The following ELMO1 variants were observed in gnomAD, a reference collection of about 807,000 sequenced individuals.
ELMO1 encodes engulfment and cell motility 1.
ELMO1 carries 26 observed loss-of-function variants against 98.9 expected under a neutral mutation model. The ratio of observed to expected loss-of-function variants is 0.26; its 90% confidence interval spans 0.19 to 0.36. The LOEUF (loss-of-function observed/expected upper bound fraction) is 0.36, where lower values mean the gene tolerates loss of function less well. ELMO1 is among the 10% of genes least tolerant of loss of function. The pLI is 1.00. For synonymous variants in ELMO1, 346 were observed against 346.0 expected, an observed-to-expected ratio of 1.00 and a Z score of 0.00; for missense variants, 627 against 935.2, an observed-to-expected ratio of 0.67 and a Z score of 4.30.
intron 13 of ELMO1, among the ~76,000 whole-genome samples, chr7:37,138,298 T>TA (rs140761834): frequency 0.86 from 125,465 of 146,618 alleles, 54,105 homozygotes; most frequent in Non-Finnish European, 0.92. Context: ...TTTGAAAAGA[T>TA]AAAAAAAAAA....
chr7:37,039,657 G>A (rs1212114372), intron 15 of ELMO1, among the ~76,000 whole-genome samples: 4 of 152,194 alleles, frequency 2.6e-5, no homozygotes, highest in Non-Finnish European at 1.5e-5. Context: ...CTTCTCCTCA[G>A]GGGAAAATTT....
chr7:37,295,930 G>A (rs1440138908), intron 4 of ELMO1, among the ~76,000 whole-genome samples: 1 of 152,142 alleles, frequency 6.6e-6, no homozygotes, highest in African/African-American at 2.4e-5. Flanking sequence ...TTTGTGTGTT[G>A]TTGCCTTACT....
rs147438569 is a variant in ELMO1, at chr7:37,014,437, AT to A, written c.1301-1003del. 3.2e-3 allele frequency among the ~76,000 whole-genome samples: 490 copies of A among 152,242 alleles called. 2 individuals are homozygous for A. The highest frequency in any genetic ancestry group is 0.011 in the African/African-American group (457 of 41,532). On this transcript the variant is annotated intron_variant, in intron 15 of 21. Transcript: ENST00000310758. Reference sequence around the variant, plus strand: ...TTTGGAATCTCTTTTTTTAAAAAAAATATCACTTTAATTTCTGGGATACAAG... The same window carrying A: ...TTTGGAATCTCTTTTTTTAAAAAAAAATCACTTTAATTTCTGGGATACAAG...
At chr7:37,050,246 A>G (rs1044965642) in intron 15 of ELMO1, among the ~76,000 whole-genome samples, 1 of 151,870 alleles carries the variant, frequency 6.6e-6, no homozygotes, top group Non-Finnish European at 1.5e-5. Flanking sequence ...CTAATTTTTC[A>G]TATTTCTAGT....
chr7:37,324,120 C>T (rs1799667550), intron 2 of ELMO1, among the ~76,000 whole-genome samples: 1 of 152,144 alleles, frequency 6.6e-6, no homozygotes, highest in Non-Finnish European at 1.5e-5. Context: ...CTCCCTGCCC[C>T]GCCTCTGATG....
intron 1 of ELMO1, among the ~76,000 whole-genome samples, chr7:37,379,262 G>A (rs112225869): frequency 0.016 from 2,451 of 152,138 alleles, 54 homozygotes; most frequent in African/African-American, 0.054. Context: ...GGATGGTCTC[G>A]ATCTCCTGAC....
intron 15 of ELMO1, among the ~76,000 whole-genome samples, chr7:37,047,365 G>A (rs145556072): frequency 1.6e-3 from 237 of 152,308 alleles, no homozygotes; most frequent in African/African-American, 5.1e-3. Flanking sequence ...AGACAGCTGG[G>A]CTGACCACAA....
intron 15 of ELMO1, among the ~76,000 whole-genome samples, chr7:37,043,515 C>T (rs975597432): frequency 2.6e-5 from 4 of 152,096 alleles, no homozygotes; most frequent in Admixed American, 6.5e-5. Flanking sequence ...ACTGTGGAGT[C>T]GGCCGTATGA....
chr7:36,973,746 G>A (rs1790193260), intron 16 of ELMO1, among the ~76,000 whole-genome samples: 1 of 152,208 alleles, frequency 6.6e-6, no homozygotes, highest in South Asian at 2.1e-4. Flanking sequence ...GGTGTGGAGG[G>A]AGAGGCGCGA....
At chr7:37,148,927 A>G (rs868003975) in intron 13 of ELMO1, among the ~76,000 whole-genome samples, 11 of 152,216 alleles carry the variant, frequency 7.2e-5, no homozygotes, top group African/African-American at 2.7e-4. Context: ...CAGGGAGAGC[A>G]CAGGCTATGA....
At chr7:37,292,966 G>T (rs1412714219) in intron 4 of ELMO1, among the ~76,000 whole-genome samples, 3 of 54,596 alleles carry the variant, frequency 5.5e-5, no homozygotes, top group African/African-American at 1.1e-4. Context: ...GGAAGTGAGG[G>T]GCGCCTCTGC....
rs910597082 is a variant in ELMO1 at position 37,342,176 on chromosome 7, G to A, written c.78+437C>T. Among the ~76,000 whole-genome samples, 2 of 152,106 alleles carry A rather than the reference G, an allele frequency of 1.3e-5. No individual in the cohort carries two copies. The highest frequency in any genetic ancestry group is 2.1e-4 in the South Asian group (1 of 4,830). Reference sequence around the variant, plus strand: ...CCCTCTATACTAATTTCATTACAAAGCTATTAATATAACAAAGTACCAATG... The same window carrying A: ...CCCTCTATACTAATTTCATTACAAAACTATTAATATAACAAAGTACCAATG... On this transcript the variant is annotated intron_variant, in intron 2 of 21. Transcript: ENST00000310758. This position sits in a 1 kb window ranked among gnomAD's most constrained non-coding sequence, Gnocchi z 4.3.
chr7:37,178,694 T>G (rs1462535004), intron 13 of ELMO1, among the ~76,000 whole-genome samples: 3 of 152,114 alleles, frequency 2.0e-5, no homozygotes, highest in African/African-American at 7.2e-5. Flanking sequence ...ATTGTAAAAG[T>G]CAGGAGAGAC....
At chr7:37,162,321 C>G (rs990012841) in intron 13 of ELMO1, among the ~76,000 whole-genome samples, 1 of 152,128 alleles carries the variant, frequency 6.6e-6, no homozygotes, top group Non-Finnish European at 1.5e-5. Context: ...TCGTGGGGCA[C>G]CACTGCATCC....
chr7:37,191,106 A>G (rs1439050652), intron 13 of ELMO1, among the ~76,000 whole-genome samples: 2 of 148,842 alleles, frequency 1.3e-5, no homozygotes, highest in African/African-American at 4.9e-5. Flanking sequence ...GGAGAATGGC[A>G]TGAACTCGGG....
At chr7:37,256,046 T>C (rs1183539175) in intron 6 of ELMO1, among the ~76,000 whole-genome samples, 1 of 152,172 alleles carries the variant, frequency 6.6e-6, no homozygotes, top group African/African-American at 2.4e-5. Flanking sequence ...GCTTCCAGCC[T>C]GGAGCTCCCC....
chr7:37,278,860 G>A (rs1796990395), intron 4 of ELMO1, among the ~76,000 whole-genome samples: 1 of 152,178 alleles, frequency 6.6e-6, no homozygotes, highest in Non-Finnish European at 1.5e-5. Context: ...ACTGAGGCAA[G>A]GTCACTTTTC....
intron 1 of ELMO1, among the ~76,000 whole-genome samples, chr7:37,349,452 T>TTTTTTC (rs1238375442): frequency 2.6e-5 from 4 of 152,138 alleles, no homozygotes; most frequent in Admixed American, 2.6e-4. Context: ...TCTTCACTTT[T>TTTTTTC]TTTTTCTTTT....
intron 15 of ELMO1, 77 bp from the exon 16 acceptor site, chr7:37,013,512 C>T (rs1410851040): frequency 2.7e-6 from 4 of 1,505,618 alleles, no homozygotes; most frequent in Non-Finnish European, 2.7e-6. Context: ...AGGTATGTGC[C>T]CCAAAGGGAG....
Sources: gnomAD v4.1 joint callset for allele counts (sites outside exome capture counted in the v4.1 genomes callset) on GRCh38, gnomAD v4.1.1 for gene constraint, Gnocchi (gnomAD v3.1) non-coding constraint, MANE v1.5 for transcripts, NCBI Gene and HGNC (gene_info 2026-07-23, HGNC 2026-07-21) for gene names.